The following GMIP variants were observed in gnomAD, a reference collection of about 807,000 sequenced individuals.
GMIP encodes GEM interacting protein, also known as GEM-interacting protein.
A neutral mutation model predicts 105.3 loss-of-function variants in GMIP; 54 were observed. That is an observed-to-expected ratio of 0.51 (90% CI 0.41 to 0.64). GMIP has a LOEUF of 0.64. Ranked by LOEUF, GMIP falls within the 30% of genes least tolerant of loss-of-function variation. The pLI, the probability that GMIP is intolerant of heterozygous loss-of-function variation, is 0.00. For missense variants in GMIP, 1,110 were observed against 1,319.4 expected, an observed-to-expected ratio of 0.84 and a Z score of 2.46; for synonymous variants, 541 against 560.8, an observed-to-expected ratio of 0.96 and a Z score of 0.50.
chr19:19,636,609 G>C, intron 13 of GMIP, 98 bp downstream of exon 13: 1 of 867,152 alleles, frequency 1.2e-6, no homozygotes, highest in Non-Finnish European at 2.0e-6. Context: ...GGGTAGGTCA[G>C]AGGTCAAAGA....
rs1442854288 is a variant in GMIP at position 19,635,486 on chromosome 19, G to A, written c.1489C>T (p.Arg497Trp). 51 of 1,611,132 alleles carry A rather than the reference G, an allele frequency of 3.2e-5. No individual in the cohort carries two copies. The highest frequency in any genetic ancestry group is 4.1e-5 in the Non-Finnish European group (48 of 1,179,994). ...CACTTGGCTGGGCCCCGCAGTCGCCGCAGCTGGTGGGTCTGAGCCGCGCTG... is the reference window on the plus strand; with the variant it reads ...CACTTGGCTGGGCCCCGCAGTCGCCACAGCTGGTGGGTCTGAGCCGCGCTG... Reference protein sequence around the residue: ...LSSAAQTHQLRRLRGPAKCRE... With the variant: ...LSSAAQTHQLWRLRGPAKCRE... Residue 497 changes from arginine to tryptophan, a missense_variant, in exon 15 of 21, where the codon CGG becomes TGG. Physicochemically the swap from Arg to Trp is moderately radical, Grantham distance 101 (BLOSUM62 -3). Transcript: ENST00000203556. This position sits in a 1 kb window ranked among gnomAD's most constrained non-coding sequence, Gnocchi z 4.7.
Position 19,642,526 on chromosome 19 carries a change from C to G in GMIP, c.104+9G>C. 3 of 1,582,246 alleles carry G rather than the reference C, an allele frequency of 1.9e-6. No homozygotes were observed. Among genetic ancestry groups the G allele is most frequent in the Non-Finnish European group, 2.6e-6 (3 of 1,151,580 alleles). On this transcript the variant is annotated intron_variant, in intron 2 of 20. Transcript: ENST00000203556. ...GCAGGATTTGGGGGTGATCCAGGCTCAGACTCACACGTTCCCCAGTGAGAT... is the reference window on the plus strand; with the variant it reads ...GCAGGATTTGGGGGTGATCCAGGCTGAGACTCACACGTTCCCCAGTGAGAT...
At position 19,634,105 on chromosome 19, in the gene GMIP, C is replaced by CG; in HGVS notation, c.2169dup (p.Gly724ArgfsTer38). Reference sequence around the variant, plus strand: ...GGGATGGCGCTGGCTGCCCGCGGGCCGTCCGGCGGCCGCAGCAGTGTCGGC... The same window carrying CG: ...GGGATGGCGCTGGCTGCCCGCGGGCCGGTCCGGCGGCCGCAGCAGTGTCGGC... On this transcript the variant is annotated frameshift_variant, in exon 19 of 21. Coordinates refer to ENST00000203556, the MANE Select transcript of GMIP (RefSeq NM_016573.4). LOFTEE classifies it high-confidence loss of function. This position sits in a 1 kb window ranked among gnomAD's most constrained non-coding sequence, Gnocchi z 6.1. 6.2e-7 allele frequency: 1 copy of CG among 1,612,718 alleles called. No homozygotes were observed. Among genetic ancestry groups the CG allele is most frequent in the Non-Finnish European group, 8.5e-7 (1 of 1,179,608 alleles).
Position 19,633,989 on chromosome 19 carries a change from G to A in GMIP, c.2286C>T (p.Leu762=), listed in dbSNP as rs2061822990. 1 of 1,603,376 alleles carries A rather than the reference G, an allele frequency of 6.2e-7. No homozygotes were observed. The change falls in exon 19 of 21, where the codon CTC becomes CTT. Residue 762 remains leucine, a synonymous_variant. Transcript: ENST00000203556. ...HYEQIFGMDE[L]PQATEPPPQD... ...GGGGCGGGGGCTCAGTGGCCTGGGG[G>A]AGCTCATCCATCCCAAAGATCTGCT...
In GMIP at chr19:19,641,819, G is replaced by C; in HGVS notation, c.229C>G (p.Pro77Ala). The change falls in exon 4 of 21, where the codon CCC (proline) becomes GCC (alanine). Residue 77 changes from proline (P) to alanine (A), a missense_variant. By Grantham distance (27) the Pro-to-Ala change is conservative. This residue lies in a region of GMIP where 667 missense variants were observed against 773.2 expected (regional missense o/e 0.86). Transcript: ENST00000203556. ...CTCCAGACCCCCCTACCTGTGAGGG[G>C]TACAGGACCCTCTGGGGAGGGGCCG... is the stretch of plus-strand genomic sequence containing the variant. Reference protein sequence around the residue: ...WSGPSPEGPVPLTGEELDLRL... With the variant: ...WSGPSPEGPVALTGEELDLRL... 1 of 1,610,942 alleles carries C rather than the reference G, an allele frequency of 6.2e-7. No homozygotes were observed. Among genetic ancestry groups the C allele is most frequent in the African/African-American group, 1.3e-5 (1 of 74,964 alleles).
Position 19,629,941 on chromosome 19 carries a change from C to T in GMIP, c.*22G>A, listed in dbSNP as rs2061774720. 5.6e-6 allele frequency: 9 copies of T among 1,598,712 alleles called. No individual in the cohort carries two copies. The highest frequency in any genetic ancestry group is 7.7e-6 in the Non-Finnish European group (9 of 1,174,024). On this transcript the variant is annotated 3_prime_UTR_variant, in exon 21 of 21. Transcript: ENST00000203556. ...CCGTCTTCACAATCTGGGCCTCTTC[C>T]TTATTTAAGGTGCCAGGGTGGTCAG...
In GMIP at chr19:19,638,183, G is replaced by T; in HGVS notation, c.765C>A (p.Arg255=). 1.3e-6 allele frequency: 2 copies of T among 1,586,542 alleles called. No homozygotes were observed. Among genetic ancestry groups the T allele is most frequent in the Non-Finnish European group, 1.7e-6 (2 of 1,174,502 alleles). ...GPSKQQERRR[R]SREEAQAKAQ... is the part of the protein sequence containing the mutation. ...CCTTGGCCTGGGCCTCCTCTCGCGA[G>T]CGCCGCCGCCGCTCCTGCTGCTTGC... The change falls in exon 9 of 21, where the codon CGC becomes CGA. Residue 255 remains arginine (R), a synonymous_variant. Transcript: ENST00000203556.
In GMIP at chr19:19,637,632, C is replaced by T; in HGVS notation, c.928-71G>A. 3 of 1,274,572 alleles carry T rather than the reference C, an allele frequency of 2.4e-6. No individual in the cohort carries two copies. Among genetic ancestry groups the T allele is most frequent in the Admixed American group, 2.9e-5 (1 of 34,878 alleles). The allele number at this position is 1,274,572 out of a possible 1,614,324, so 79.0% of individuals were successfully genotyped here. On this transcript the variant is annotated intron_variant, in intron 10 of 20. Coordinates refer to ENST00000203556, the MANE Select transcript of GMIP (RefSeq NM_016573.4). This position sits in a 1 kb window ranked among gnomAD's most constrained non-coding sequence, Gnocchi z 6.7. ...CCTGGGGGCAGGGCCAGAGCTGGGG[C>T]GGGGCTTGAGAGACGCGAACGTGGT...
chr19:19,638,037 C>A lies in GMIP; in HGVS notation c.810G>T (p.Leu270=). 6.3e-7 allele frequency: 1 copy of A among 1,586,916 alleles called. No individual in the cohort carries two copies. Among genetic ancestry groups the A allele is most frequent in the Non-Finnish European group, 8.6e-7 (1 of 1,167,626 alleles). The change falls in exon 10 of 21, where the codon CTG becomes CTT. Residue 270 remains leucine, a synonymous_variant. Transcript: ENST00000203556. ...AQAKAQEAEA[L]YQACVREANA... ...TGGCCTCGCGGACACAGGCCTGGTA[C>A]AGCGCCTCGGCCTCCTGCGCCTGGG...
At position 19,642,768 on chromosome 19, in the gene GMIP, C is replaced by T. The variant is rs958107078; in HGVS notation, c.20-149G>A. ...GGGGGGGGCTTGGTTGGGGCCAACT[C>T]GAGGCAGGCAGATGGACTCACACAC... On this transcript the variant is annotated intron_variant, in intron 1 of 20. Coordinates refer to ENST00000203556, the MANE Select transcript of GMIP (RefSeq NM_016573.4). 8.0e-6 allele frequency: 4 copies of T among 500,982 alleles called. No homozygotes were observed. In the East Asian group the frequency reaches 9.1e-5, roughly 11 times the overall value. 31.0% of individuals were successfully genotyped at this position (500,982 alleles called of 1,614,324 possible). A position where few individuals can be genotyped will look rare whatever the true frequency, so the allele number is the denominator to read the frequency against.
Position 19,637,649 on chromosome 19 carries a change from G to GA in GMIP, c.928-89dup. On this transcript the variant is annotated intron_variant, in intron 10 of 20. Transcript: ENST00000203556. This position sits in a 1 kb window ranked among gnomAD's most constrained non-coding sequence, Gnocchi z 6.7. ...AGCTGGGGCGGGGCTTGAGAGACGC[G>GA]AACGTGGTCAGGGTTTGGGACGCAC... The GA allele has an allele frequency of 8.8e-7, 1 of 1,132,544 alleles. No homozygotes were observed. Among genetic ancestry groups the GA allele is most frequent in the Non-Finnish European group, 1.2e-6 (1 of 829,510 alleles). 70.2% of individuals were successfully genotyped at this position (1,132,544 alleles called of 1,614,324 possible).
At chr19:19,633,630 T>C (rs1370712194) in intron 19 of GMIP, among the ~76,000 whole-genome samples, 173 bp downstream of exon 19, 1 of 152,162 alleles carries the variant, frequency 6.6e-6, no homozygotes, top group African/African-American at 2.4e-5. Context: ...TGTTACATCA[T>C]CACTGCCCAC....
In GMIP at chr19:19,638,297, C is replaced by T; in HGVS notation, c.651G>A (p.Gln217=). 2 of 1,612,460 alleles carry T rather than the reference C, an allele frequency of 1.2e-6. No individual in the cohort carries two copies. Among genetic ancestry groups the T allele is most frequent in the Non-Finnish European group, 1.7e-6 (2 of 1,179,984 alleles). The change falls in exon 9 of 21, where the codon CAG becomes CAA. Residue 217 remains glutamine, a synonymous_variant. Coordinates refer to ENST00000203556, the MANE Select transcript of GMIP (RefSeq NM_016573.4). The part of the protein sequence containing the change: ...NEAVQALRRA[Q]LQYVQRSEDL... Reference sequence around the variant, plus strand: ...CCTCGCTGCGTTGCACATACTGCAGCTGGGCGCGCCGCAGTGCCTGCACCG... The same window carrying T: ...CCTCGCTGCGTTGCACATACTGCAGTTGGGCGCGCCGCAGTGCCTGCACCG...
Position 19,630,420 on chromosome 19 carries a change from C to T in GMIP, c.2539+51G>A. On this transcript the variant is annotated intron_variant, in intron 20 of 20. Transcript: ENST00000203556. This position sits in a 1 kb window ranked among gnomAD's most constrained non-coding sequence, Gnocchi z 4.8. The stretch of plus-strand genomic sequence containing the variant: ...AGGAGTCATCTTTTAGCAAGCCACC[C>T]TGGGGCCAGGGCACCCCCAGAACTC... 1 of 1,605,650 alleles carries T rather than the reference C, an allele frequency of 6.2e-7. No individual in the cohort carries two copies. The highest frequency in any genetic ancestry group is 8.5e-7 in the Non-Finnish European group (1 of 1,175,516).
At chr19:19,636,112 G>A (rs778646301) in intron 13 of GMIP, among the ~76,000 whole-genome samples, 1 of 151,758 alleles carries the variant, frequency 6.6e-6, no homozygotes, top group Non-Finnish European at 1.5e-5. Flanking sequence ...GCTGAGGCAC[G>A]AGAATCGCTT....
chr19:19,634,004 A>G lies in GMIP; in HGVS notation c.2271T>C (p.Phe757=). The G allele has an allele frequency of 1.2e-6, 2 of 1,609,750 alleles. No homozygotes were observed. The highest frequency in any genetic ancestry group is 2.2e-5 in the East Asian group (1 of 44,718). The change falls in exon 19 of 21, where the codon TTT becomes TTC. Residue 757 remains phenylalanine, a synonymous_variant. Coordinates refer to ENST00000203556, the MANE Select transcript of GMIP (RefSeq NM_016573.4). This position sits in a 1 kb window ranked among gnomAD's most constrained non-coding sequence, Gnocchi z 6.1. The part of the protein sequence containing the change: ...EFLIVHYEQI[F]GMDELPQATE... ...TGGCCTGGGGGAGCTCATCCATCCCAAAGATCTGCTCGTAGTGCACGATGA... is the reference window on the plus strand; with the variant it reads ...TGGCCTGGGGGAGCTCATCCATCCCGAAGATCTGCTCGTAGTGCACGATGA...
chr19:19,638,106 G>A, intron 9 of GMIP, 49 bp from the exon 10 acceptor site: 3 of 1,554,290 alleles, frequency 1.9e-6, no homozygotes, highest in Non-Finnish European at 2.6e-6. Flanking sequence ...GTGGGCGAGA[G>A]TGGAGGGCAG....
chr19:19,640,835 G>A (rs1345291528), intron 4 of GMIP, among the ~76,000 whole-genome samples: 1 of 152,058 alleles, frequency 6.6e-6, no homozygotes, highest in Non-Finnish European at 1.5e-5. Flanking sequence ...GCGCGATTTT[G>A]GCTCACCAAA....
At chr19:19,638,907 C>A (rs957375430) in intron 7 of GMIP, among the ~76,000 whole-genome samples, 3 of 151,222 alleles carry the variant, frequency 2.0e-5, no homozygotes, top group Non-Finnish European at 4.4e-5. Flanking sequence ...ATGGTGAAAC[C>A]CCGTCTCTAC....
Sources: gnomAD v4.1 joint callset for allele counts (sites outside exome capture counted in the v4.1 genomes callset) on GRCh38, gnomAD v4.1.1 for gene constraint, gnomAD v4.1.1 regional missense constraint, Gnocchi (gnomAD v3.1) non-coding constraint, MANE v1.5 for transcripts, NCBI Gene and HGNC (gene_info 2026-07-23, HGNC 2026-07-21) for gene names.